Variants in ATP2B1 observed in about 807,000 individuals in gnomAD.
ATP2B1 encodes the protein plasma membrane calcium-transporting ATPase 1.
ATP2B1 carries 14 observed loss-of-function variants against 124.2 expected under a neutral mutation model. That is an observed-to-expected ratio of 0.11 (90% CI 0.07 to 0.18). ATP2B1 has a LOEUF of 0.18. Ranked by LOEUF, ATP2B1 falls within the 10% of genes least tolerant of loss-of-function variation. ATP2B1 has a pLI of 1.00. For missense variants in ATP2B1, 763 were observed against 1,466.1 expected (o/e 0.52, Z 7.83); for synonymous variants, 449 against 492.4 (o/e 0.91, Z 1.17).
intron 1 of ATP2B1, among the ~76,000 whole-genome samples, chr12:89,661,008 C>G (rs2136418164): frequency 6.6e-6 from 1 of 152,116 alleles, no homozygotes; most frequent in South Asian, 2.1e-4. Context: ...TAATCCATGA[C>G]TGGTTCTATA....
intron 10 of ATP2B1, among the ~76,000 whole-genome samples, chr12:89,620,538 A>T (rs1347476559): frequency 6.6e-6 from 1 of 152,198 alleles, no homozygotes; most frequent in African/African-American, 2.4e-5. Flanking sequence ...AAATTAAGTG[A>T]TATAAGATGT....
chr12:89,614,892 G>C (rs895626735), intron 12 of ATP2B1, among the ~76,000 whole-genome samples: 2 of 151,930 alleles, frequency 1.3e-5, no homozygotes, highest in Non-Finnish European at 2.9e-5. Flanking sequence ...CTCTTGCCTG[G>C]GATCACTGCA....
chr12:89,644,266 AGG>A (rs1276716285), intron 2 of ATP2B1, among the ~76,000 whole-genome samples: 1 of 152,248 alleles, frequency 6.6e-6, no homozygotes, highest in Non-Finnish European at 1.5e-5. Flanking sequence ...ACATCAAAGG[AGG>A]AAGACAGGAA....
chr12:89,643,116 G>A (rs139423344), intron 2 of ATP2B1, among the ~76,000 whole-genome samples: 8 of 129,588 alleles, frequency 6.2e-5, no homozygotes, highest in Non-Finnish European at 8.7e-5. Context: ...ATATATATAC[G>A]TATATACACG....
chr12:89,618,237 A>G (rs1392845941), intron 11 of ATP2B1, among the ~76,000 whole-genome samples: 1 of 152,192 alleles, frequency 6.6e-6, no homozygotes, highest in Non-Finnish European at 1.5e-5. Flanking sequence ...CCAACATTTA[A>G]AAAGTCTCCA....
At chr12:89,618,033 T>G (rs901607834) in intron 11 of ATP2B1, among the ~76,000 whole-genome samples, 1 of 152,154 alleles carries the variant, frequency 6.6e-6, no homozygotes, top group African/African-American at 2.4e-5. Context: ...TACTTCAAGC[T>G]ACAAAGCTAC....
intron 7 of ATP2B1, 91 bp from the exon 8 acceptor site, chr12:89,626,706 C>A: frequency 7.1e-7 from 1 of 1,405,568 alleles, no homozygotes; most frequent in Non-Finnish European, 9.4e-7. Context: ...CAGTTTCTTA[C>A]AGAAACCAGT....
intron 1 of ATP2B1, among the ~76,000 whole-genome samples, chr12:89,702,252 A>T (rs1472703835): frequency 6.6e-6 from 1 of 152,246 alleles, no homozygotes; most frequent in African/African-American, 2.4e-5. Flanking sequence ...TTTTGGAACC[A>T]GCATTCTAAA....
intron 1 of ATP2B1, among the ~76,000 whole-genome samples, chr12:89,671,944 T>A (rs1888047730): frequency 6.6e-6 from 1 of 152,138 alleles, no homozygotes; most frequent in Non-Finnish European, 1.5e-5. Context: ...AAATGCAATC[T>A]CTATCCTGAG....
chr12:89,704,598 C>G (rs1892231615), intron 1 of ATP2B1, among the ~76,000 whole-genome samples: 1 of 151,980 alleles, frequency 6.6e-6, no homozygotes, highest in South Asian at 2.1e-4. Flanking sequence ...AGACAAATCA[C>G]TTTGCCTACC....
rs10648843 is a variant in ATP2B1 at position 89,659,357 on chromosome 12, AACACACAC to A, written c.-221-3258_-221-3251del. 2.9e-4 allele frequency among the ~76,000 whole-genome samples: 44 copies of A among 149,338 alleles called. No individual in the cohort carries two copies. The South Asian group carries it at 6.0e-3, about 20-fold the overall frequency. ...GTTGGTAGTCTTTGAGGTATTACAA[AACACACAC>A]ACACACACACACACACACGCACAAG... is the stretch of plus-strand genomic sequence containing the variant. On this transcript the variant is annotated intron_variant, in intron 1 of 20. Transcript: ENST00000428670.
At chr12:89,647,782 T>C (rs1884692938) in intron 2 of ATP2B1, among the ~76,000 whole-genome samples, 2 of 152,172 alleles carry the variant, frequency 1.3e-5, no homozygotes, top group Admixed American at 1.3e-4. Context: ...AATTGGATCA[T>C]GGGGGCGAAT....
At position 89,645,120 on chromosome 12, in the gene ATP2B1, AAT is replaced by A. The variant is rs142766816; in HGVS notation, c.209-2767_209-2766del. On this transcript the variant is annotated intron_variant, in intron 2 of 20. Coordinates refer to ENST00000428670, the MANE Select transcript of ATP2B1 (RefSeq NM_001366521.1). The stretch of plus-strand genomic sequence containing the variant: ...TCTTTGGGGGTCAAGGGAGGGCACT[AAT>A]ATCAGTTGGCCAAACTTACAAGGTT... Among the ~76,000 whole-genome samples the A allele has an allele frequency of 8.1e-3, 1,233 of 152,278 alleles. 16 individuals carry two copies. The highest frequency in any genetic ancestry group is 0.028 in the African/African-American group (1,179 of 41,552).
At chr12:89,692,074 G>T (rs1474100962) in intron 1 of ATP2B1, among the ~76,000 whole-genome samples, 1 of 151,834 alleles carries the variant, frequency 6.6e-6, no homozygotes, top group Non-Finnish European at 1.5e-5. Flanking sequence ...TAAAAAGCTG[G>T]GATTAACCAG....
intron 18 of ATP2B1, 66 bp from the exon 19 acceptor site, chr12:89,601,499 A>G (rs1203755403): frequency 1.0e-6 from 1 of 1,003,464 alleles, no homozygotes; most frequent in Non-Finnish European, 1.4e-6. Flanking sequence ...ACTTAAAAAA[A>G]TATCAAATTT....
At chr12:89,631,123 A>G (rs1881802967) in intron 5 of ATP2B1, among the ~76,000 whole-genome samples, 1 of 152,170 alleles carries the variant, frequency 6.6e-6, no homozygotes, top group Non-Finnish European at 1.5e-5. Flanking sequence ...CTTGTGCTTA[A>G]GGTTTTAACT....
At position 89,689,686 on chromosome 12, in the gene ATP2B1, T is replaced by C. The variant is rs1037523617; in HGVS notation, c.-222+18910A>G. ...CTTATCTATTTGTTAACTTGCTATA[T>C]ATTTGTAGACTTCCATTTGTCTATT... On this transcript the variant is annotated intron_variant, in intron 1 of 20. Transcript: ENST00000428670. Among the ~76,000 whole-genome samples, 72 of 152,156 alleles carry C rather than the reference T, an allele frequency of 4.7e-4. 1 individual carries two copies. The highest frequency in any genetic ancestry group is 1.6e-3 in the African/African-American group (65 of 41,440).
At chr12:89,701,253 A>C (rs1057244167) in intron 1 of ATP2B1, among the ~76,000 whole-genome samples, 1 of 152,186 alleles carries the variant, frequency 6.6e-6, no homozygotes, top group African/African-American at 2.4e-5. Context: ...CCCATTCTTC[A>C]AAACTCAGCA....
rs543868502 is a variant in ATP2B1 at position 89,588,179 on chromosome 12, G to A, written c.*2805C>T. On this transcript the variant is annotated 3_prime_UTR_variant, in exon 21 of 21. Coordinates refer to ENST00000428670, the MANE Select transcript of ATP2B1 (RefSeq NM_001366521.1). ...CATTGAAAGAAATCAACACCATCAC[G>A]GTATCTCAGTTGGCTTACACGTGTA... is the stretch of plus-strand genomic sequence containing the variant. The A allele has an allele frequency of 5.9e-5, 9 of 152,612 alleles. No individual in the cohort carries two copies. The South Asian group carries it at 6.2e-4, about 11-fold the overall frequency. The allele number at this position is 152,612 out of a possible 1,614,324, so 9.5% of individuals were successfully genotyped here.
Sources: gnomAD v4.1 joint callset for allele counts (sites outside exome capture counted in the v4.1 genomes callset) on GRCh38, gnomAD v4.1.1 for gene constraint, MANE v1.5 for transcripts, NCBI Gene and HGNC (gene_info 2026-07-23, HGNC 2026-07-21) for gene names.